The following MPP7 variants were observed in gnomAD, a reference collection of about 807,000 sequenced individuals.
MPP7 encodes MAGUK p55 subfamily member 7.
A neutral mutation model predicts 76.5 loss-of-function variants in MPP7; 60 were observed. That is an observed-to-expected ratio of 0.78 (90% CI 0.64 to 0.97). The LOEUF is 0.97. Among genes scored for constraint, MPP7 ranks in the 50% least tolerant of loss-of-function variants. The probability of loss-of-function intolerance (pLI) is 0.00; values close to 1 mark genes in which losing one functional copy is unlikely to be tolerated. For synonymous variants in MPP7, 237 were observed against 244.5 expected, an observed-to-expected ratio of 0.97 and a Z score of 0.29; for missense variants, 641 against 694.0, an observed-to-expected ratio of 0.92 and a Z score of 0.86.
At chr10:28,275,450 A>T (rs1344581717) in intron 1 of MPP7, among the ~76,000 whole-genome samples, 1 of 148,838 alleles carries the variant, frequency 6.7e-6, no homozygotes, top group East Asian at 2.0e-4. Context: ...TCTGTCACCC[A>T]GGCTGGAGTG....
chr10:28,082,513 G>GT (rs973382025), intron 12 of MPP7, among the ~76,000 whole-genome samples: 3 of 151,914 alleles, frequency 2.0e-5, no homozygotes, highest in Admixed American at 2.0e-4. Context: ...AGAATGTGCA[G>GT]TGGTATAACC....
intron 12 of MPP7, among the ~76,000 whole-genome samples, chr10:28,085,700 G>A (rs991722585): frequency 3.3e-5 from 5 of 152,138 alleles, no homozygotes; most frequent in Admixed American, 2.0e-4. Context: ...GGACTATGTC[G>A]AGGGAATATC....
chr10:28,067,797 C>T (rs916292942), intron 13 of MPP7, among the ~76,000 whole-genome samples: 2 of 152,066 alleles, frequency 1.3e-5, no homozygotes, highest in Non-Finnish European at 2.9e-5. Flanking sequence ...TACTGGAATA[C>T]AACAAAGATA....
intron 11 of MPP7, among the ~76,000 whole-genome samples, chr10:28,106,984 C>A (rs944979933): frequency 1.3e-5 from 2 of 152,132 alleles, no homozygotes; most frequent in Non-Finnish European, 2.9e-5. Context: ...AGAAGAGAGA[C>A]ACAGATTTAA....
At chr10:28,196,796 G>T (rs1368954519) in intron 3 of MPP7, among the ~76,000 whole-genome samples, 1 of 152,074 alleles carries the variant, frequency 6.6e-6, no homozygotes, top group Non-Finnish European at 1.5e-5. Context: ...AAAATCAGTG[G>T]CTCTTCCAAC....
intron 13 of MPP7, among the ~76,000 whole-genome samples, chr10:28,068,514 C>T (rs1852084504): frequency 6.6e-6 from 1 of 151,604 alleles, no homozygotes; most frequent in African/African-American, 2.4e-5. Flanking sequence ...GTCAAATGGC[C>T]TTTATTCTGC....
intron 13 of MPP7, among the ~76,000 whole-genome samples, chr10:28,065,273 C>G (rs1851944774): frequency 6.6e-6 from 1 of 152,154 alleles, no homozygotes; most frequent in African/African-American, 2.4e-5. Flanking sequence ...GGTTAAAATA[C>G]TTTTAGAACC....
intron 11 of MPP7, among the ~76,000 whole-genome samples, chr10:28,106,172 A>G (rs899153228): frequency 2.0e-5 from 3 of 152,160 alleles, no homozygotes; most frequent in African/African-American, 7.2e-5. Context: ...TATTTTATCT[A>G]AACCCTCCCA....
intron 1 of MPP7, among the ~76,000 whole-genome samples, chr10:28,251,810 T>C (rs2132855551): frequency 6.6e-6 from 1 of 152,102 alleles, no homozygotes; most frequent in Non-Finnish European, 1.5e-5. Flanking sequence ...TAGTCCCAGA[T>C]ACTTGGGAGG....
intron 12 of MPP7, among the ~76,000 whole-genome samples, chr10:28,073,615 C>T (rs112041512): frequency 0.03 from 4,523 of 151,934 alleles, 216 homozygotes; most frequent in African/African-American, 0.1. Flanking sequence ...ATTAAAAATA[C>T]GAAAATTAGC....
At chr10:28,062,708 C>T (rs1301061676) in intron 13 of MPP7, among the ~76,000 whole-genome samples, 2 of 152,218 alleles carry the variant, frequency 1.3e-5, no homozygotes, top group East Asian at 3.9e-4. Flanking sequence ...CCATTCACAA[C>T]AGTCTCAGCA....
intron 1 of MPP7, among the ~76,000 whole-genome samples, chr10:28,239,605 C>G (rs1302053224): frequency 6.6e-6 from 1 of 152,142 alleles, no homozygotes; most frequent in African/African-American, 2.4e-5. Context: ...TCTAACAATC[C>G]AAGCTAGCAT....
chr10:28,332,875 C>T (rs1477142419), intron 1 of MPP7, among the ~76,000 whole-genome samples: 1 of 151,836 alleles, frequency 6.6e-6, no homozygotes, highest in Non-Finnish European at 1.5e-5. Flanking sequence ...GTTGCCCAAG[C>T]TGGTCACAAA....
intron 2 of MPP7, among the ~76,000 whole-genome samples, chr10:28,317,332 A>G (rs1834333578): frequency 6.6e-6 from 1 of 152,178 alleles, no homozygotes; most frequent in African/African-American, 2.4e-5. Flanking sequence ...GTCCAAGACC[A>G]ACCTGGGCAA....
chr10:28,313,244 G>A (rs1841299255), intron 2 of MPP7, among the ~76,000 whole-genome samples: 1 of 152,164 alleles, frequency 6.6e-6, no homozygotes, highest in Admixed American at 6.5e-5. Context: ...GATGGCTTAT[G>A]CCTGTAATCC....
intron 2 of MPP7, among the ~76,000 whole-genome samples, chr10:28,232,697 A>G (rs1838930059): frequency 6.6e-6 from 1 of 152,222 alleles, no homozygotes; most frequent in African/African-American, 2.4e-5. Flanking sequence ...ATTAAACCAC[A>G]TTGCCTATGA....
At chr10:28,325,133 A>G (rs1169201455) in intron 2 of MPP7, among the ~76,000 whole-genome samples, 2 of 152,042 alleles carry the variant, frequency 1.3e-5, no homozygotes, top group African/African-American at 4.8e-5. Context: ...AGCTCAAGTG[A>G]TCCTCCTGCC....
intron 12 of MPP7, among the ~76,000 whole-genome samples, chr10:28,076,897 A>G (rs545010774): frequency 6.6e-6 from 1 of 152,056 alleles, no homozygotes; most frequent in African/African-American, 2.4e-5. Context: ...GAAAAAAAAA[A>G]AAAAATGCAA....
chr10:28,105,535 T>A (rs1221415712), intron 11 of MPP7, among the ~76,000 whole-genome samples: 1 of 152,184 alleles, frequency 6.6e-6, no homozygotes, highest in Non-Finnish European at 1.5e-5. Flanking sequence ...TGAGACAGAA[T>A]CTGGCTCTGT....
Sources: allele counts gnomAD v4.1 joint callset (sites outside exome capture counted in the v4.1 genomes callset), GRCh38; gene constraint gnomAD v4.1.1; transcripts MANE v1.5; gene names NCBI Gene and HGNC (gene_info 2026-07-23, HGNC 2026-07-21).